Variants in PLA2R1 observed in about 807,000 individuals in gnomAD.
PLA2R1 encodes phospholipase A2 receptor 1, also known as secretory phospholipase A2 receptor.
PLA2R1 carries 158 observed loss-of-function variants against 195.9 expected under a neutral mutation model. The ratio of observed to expected loss-of-function variants is 0.81; its 90% CI spans 0.71 to 0.92. PLA2R1 has a LOEUF of 0.92. PLA2R1 is among the 40% of genes least tolerant of loss of function. PLA2R1 has a pLI of 0.00. For missense variants in PLA2R1, 1,626 were observed against 1,764.6 expected, an observed-to-expected ratio of 0.92 and a Z score of 1.41; for synonymous variants, 586 against 598.2, an observed-to-expected ratio of 0.98 and a Z score of 0.30.
At position 160,052,060 on chromosome 2, in the gene PLA2R1, C is replaced by T. The variant is rs1258850465; in HGVS notation, c.110-6903G>A. ...ACTCTTAGCCTTCTTTATTCTCCTACAGCTTCTGAACCTAGATAATCACCA... is the reference window on the plus strand; with the variant it reads ...ACTCTTAGCCTTCTTTATTCTCCTATAGCTTCTGAACCTAGATAATCACCA... On this transcript the variant is annotated intron_variant, in intron 1 of 29. Transcript: ENST00000283243. Among the ~76,000 whole-genome samples the T allele has an allele frequency of 5.9e-5, 9 of 152,210 alleles. No homozygotes were observed. The East Asian group carries it at 1.5e-3, about 26-fold the overall frequency.
intron 3 of PLA2R1, among the ~76,000 whole-genome samples, chr2:160,039,189 C>G (rs961078008): frequency 6.6e-6 from 1 of 152,022 alleles, no homozygotes; most frequent in Non-Finnish European, 1.5e-5. Context: ...TTATATCACT[C>G]GAGCAACTGA....
chr2:159,942,098 C>A (rs1286656843), intron 29 of PLA2R1, 29 bp downstream of exon 29: 1 of 1,603,476 alleles, frequency 6.2e-7, no homozygotes, highest in Admixed American at 1.7e-5. Context: ...TAAGAAAAAT[C>A]AAAATGTTTT....
At chr2:159,931,729 G>T (rs1686598079), downstream of PLA2R1, among the ~76,000 whole-genome samples, 1 of 151,888 alleles carries the variant, frequency 6.6e-6, no homozygotes, top group Non-Finnish European at 1.5e-5. Flanking sequence ...TCAGAGACAG[G>T]GTTTCATTTT....
At chr2:159,976,948 C>T (rs1689603923) in intron 15 of PLA2R1, among the ~76,000 whole-genome samples, 1 of 152,256 alleles carries the variant, frequency 6.6e-6, no homozygotes, top group African/African-American at 2.4e-5. Flanking sequence ...GCTGAGGCCA[C>T]TGTGTGCCAC....
chr2:159,956,931 G>T (rs1688131687), intron 20 of PLA2R1, among the ~76,000 whole-genome samples: 1 of 151,514 alleles, frequency 6.6e-6, no homozygotes, highest in African/African-American at 2.4e-5. Context: ...TTCCTAAAAA[G>T]GAGCCACTCT....
At chr2:159,950,753 GACAGTGTTC>G (rs1353783274) in intron 24 of PLA2R1, among the ~76,000 whole-genome samples, 2 of 152,200 alleles carry the variant, frequency 1.3e-5, no homozygotes, top group African/African-American at 4.8e-5. Context: ...TGGCACACAA[GACAGTGTTC>G]ACAATTACTA....
chr2:159,985,328 G>A (rs941386968), intron 12 of PLA2R1, among the ~76,000 whole-genome samples: 12 of 152,208 alleles, frequency 7.9e-5, no homozygotes, highest in Admixed American at 5.9e-4. Flanking sequence ...AGCTACAACA[G>A]TTCCAGAGAT....
At chr2:159,946,728 C>T (rs1687407111) in intron 27 of PLA2R1, 73 bp downstream of exon 27, 1 of 1,475,050 alleles carries the variant, frequency 6.8e-7, no homozygotes, top group East Asian at 2.6e-5. Flanking sequence ...TTTTCTGGCT[C>T]ACAGATGCCA....
Position 159,997,261 on chromosome 2 carries a change from T to G in PLA2R1, c.1834+8391A>C, listed in dbSNP as rs183395507. ...CTGGACTGCACCCTTGACCAGTGAA[T>G]GCTTCTCAGTTATTTTTCCCTGCTT... is the stretch of plus-strand genomic sequence containing the variant. On this transcript the variant is annotated intron_variant, in intron 11 of 29. Coordinates refer to ENST00000283243, the MANE Select transcript of PLA2R1 (RefSeq NM_007366.5). Among the ~76,000 whole-genome samples, 199 of 152,234 alleles carry G rather than the reference T, an allele frequency of 1.3e-3. 1 individual carries two copies. The highest frequency in any genetic ancestry group is 4.6e-3 in the African/African-American group (193 of 41,542).
intron 13 of PLA2R1, among the ~76,000 whole-genome samples, chr2:159,982,769 G>T (rs1574729218): frequency 6.6e-6 from 1 of 152,202 alleles, no homozygotes; most frequent in East Asian, 1.9e-4. Context: ...TGAAAAAATA[G>T]TACAGGATTT....
At chr2:160,010,033 C>G (rs2105417028) in intron 10 of PLA2R1, among the ~76,000 whole-genome samples, 1 of 152,134 alleles carries the variant, frequency 6.6e-6, no homozygotes. Flanking sequence ...TTACTTGAGC[C>G]CAGGAGGTCA....
rs545800398 is a variant in PLA2R1 at position 160,026,435 on chromosome 2, T to C, written c.1099+1783A>G. ...CTTCCTTTAAAATGGGGATGACAAA[T>C]AGGTTTCACTTTGAAAATAAGTCTT... On this transcript the variant is annotated intron_variant, in intron 6 of 29. Transcript: ENST00000283243. Among the ~76,000 whole-genome samples, 3 of 152,210 alleles carry C rather than the reference T, an allele frequency of 2.0e-5. No homozygotes were observed. In the South Asian group the frequency reaches 6.2e-4, roughly 32 times the overall value.
At chr2:160,040,195 T>G (rs1394762080) in intron 3 of PLA2R1, among the ~76,000 whole-genome samples, 2 of 152,122 alleles carry the variant, frequency 1.3e-5, no homozygotes, top group East Asian at 3.9e-4. Flanking sequence ...AGAAGGCTGG[T>G]GATCTGACAG....
At chr2:159,977,942 T>TAAATA (rs969026370) in intron 14 of PLA2R1, among the ~76,000 whole-genome samples, 4 of 151,624 alleles carry the variant, frequency 2.6e-5, no homozygotes, top group African/African-American at 9.7e-5. Flanking sequence ...AAAAAATAAA[T>TAAATA]AAATAAAATA....
intron 1 of PLA2R1, among the ~76,000 whole-genome samples, chr2:160,053,443 C>T (rs565226971): frequency 2.6e-5 from 4 of 151,880 alleles, no homozygotes; most frequent in Non-Finnish European, 5.9e-5. Flanking sequence ...AATGAAAATA[C>T]GTGGTTTTGG....
intron 18 of PLA2R1, 23 bp downstream of exon 18, chr2:159,970,125 T>C (rs1689058904): frequency 6.6e-7 from 1 of 1,513,160 alleles, no homozygotes; most frequent in Non-Finnish European, 9.1e-7. Flanking sequence ...CAAAATTAAA[T>C]GCAAATGAAT....
At chr2:159,957,404 G>A (rs2105173495) in intron 20 of PLA2R1, among the ~76,000 whole-genome samples, 1 of 152,218 alleles carries the variant, frequency 6.6e-6, no homozygotes, top group Middle Eastern at 3.4e-3. Flanking sequence ...GCCCAGGCTG[G>A]AGTGCAGTGG....
At chr2:159,958,427 GTC>G (rs919229061) in intron 20 of PLA2R1, among the ~76,000 whole-genome samples, 1 of 152,060 alleles carries the variant, frequency 6.6e-6, no homozygotes, top group African/African-American at 2.4e-5. Context: ...CAGTTACCCA[GTC>G]TCAGGTATTC....
Position 159,949,648 on chromosome 2 carries a change from G to A in PLA2R1, c.3669C>T (p.Cys1223=), listed in dbSNP as rs145340460. 1.4e-5 allele frequency: 23 copies of A among 1,613,842 alleles called. No homozygotes were observed. The highest frequency in any genetic ancestry group is 4.5e-5 in the East Asian group (2 of 44,900). Residue 1223 remains cysteine (C), a synonymous_variant, in exon 25 of 30, where the codon TGC becomes TGT. Coordinates refer to ENST00000283243, the MANE Select transcript of PLA2R1 (RefSeq NM_007366.5). ...DSNGRWHSTA[C]ESFLQGAICH... ...AAATGGCACCTTGCAGAAATGACTC[G>A]CAGGCTGTGCTATGCCAGCGTCCGT...
Sources: allele counts gnomAD v4.1 joint callset (sites outside exome capture counted in the v4.1 genomes callset), GRCh38; gene constraint gnomAD v4.1.1; transcripts MANE v1.5; gene names NCBI Gene and HGNC (gene_info 2026-07-23, HGNC 2026-07-21).